Variants in ZCCHC10 observed in about 807,000 individuals in gnomAD.
ZCCHC10 encodes zinc finger CCHC domain-containing protein 10.
ZCCHC10 carries 16 observed loss-of-function variants against 19.5 expected under a neutral mutation model. The observed-to-expected ratio is 0.82, with a 90% CI of 0.56 to 1.25. The LOEUF is 1.25. Among genes scored for constraint, ZCCHC10 ranks in the 50% most tolerant of loss-of-function variants. The pLI is 0.00. For synonymous variants in ZCCHC10, 67 were observed against 72.5 expected (o/e 0.92, Z 0.38); for missense variants, 197 against 201.0 (o/e 0.98, Z 0.12).
intron 3 of ZCCHC10, among the ~76,000 whole-genome samples, chr5:133,002,781 A>G (rs1054104513): frequency 2.0e-5 from 3 of 151,918 alleles, no homozygotes; most frequent in South Asian, 2.1e-4. Context: ...GTGCTGTTGC[A>G]TGATCTTGGC....
chr5:133,011,042 T>C (rs1763470617), intron 2 of ZCCHC10, among the ~76,000 whole-genome samples: 1 of 152,120 alleles, frequency 6.6e-6, no homozygotes, highest in African/African-American at 2.4e-5. Flanking sequence ...TCCACCCACC[T>C]TGGCCTCCCA....
chr5:133,009,160 G>A (rs1763331031), intron 2 of ZCCHC10, among the ~76,000 whole-genome samples: 1 of 151,952 alleles, frequency 6.6e-6, no homozygotes, highest in Admixed American at 6.6e-5. Context: ...GCACTATCAC[G>A]CCCGGCTAAT....
At chr5:133,021,920 A>G (rs1033365579) in intron 2 of ZCCHC10, among the ~76,000 whole-genome samples, 5 of 151,648 alleles carry the variant, frequency 3.3e-5, no homozygotes, top group African/African-American at 1.2e-4. Flanking sequence ...CAGCCTCCCA[A>G]GTAGCTGGAA....
Position 133,004,575 on chromosome 5 carries a change from G to A in ZCCHC10, c.269+2184C>T, listed in dbSNP as rs143717491. On this transcript the variant is annotated intron_variant, in intron 3 of 4. Coordinates refer to ENST00000509437, the MANE Select transcript of ZCCHC10 (RefSeq NM_001300816.3). The stretch of plus-strand genomic sequence containing the variant: ...CGATCTCGGCTCCCTTGCAAGCTCC[G>A]CCTTCCGGGTTCACGCCATTCTCCT... Among the ~76,000 whole-genome samples the A allele has an allele frequency of 8.9e-3, 1,350 of 152,176 alleles. 16 individuals carry two copies. The highest frequency in any genetic ancestry group is 0.031 in the African/African-American group (1,295 of 41,526).
At chr5:133,004,316 G>A (rs1301147193) in intron 3 of ZCCHC10, among the ~76,000 whole-genome samples, 1 of 151,252 alleles carries the variant, frequency 6.6e-6, no homozygotes, top group Non-Finnish European at 1.5e-5. Context: ...CTGGGATTAT[G>A]GGCATGCGCC....
chr5:133,004,074 C>T (rs536520613), intron 3 of ZCCHC10, among the ~76,000 whole-genome samples: 2 of 152,136 alleles, frequency 1.3e-5, no homozygotes, highest in Admixed American at 1.3e-4. Flanking sequence ...AATATTTCTT[C>T]ATGGTAGAAT....
chr5:133,025,269 C>T (rs1177462110), intron 1 of ZCCHC10, among the ~76,000 whole-genome samples: 1 of 151,934 alleles, frequency 6.6e-6, no homozygotes, highest in Non-Finnish European at 1.5e-5. Flanking sequence ...CTTTGGGAGG[C>T]CAAGGCGGGC....
At chr5:133,014,641 C>T (rs1368142587) in intron 2 of ZCCHC10, among the ~76,000 whole-genome samples, 2 of 152,232 alleles carry the variant, frequency 1.3e-5, no homozygotes, top group African/African-American at 4.8e-5. Flanking sequence ...AGATTGCAAG[C>T]CAGGTATCTT....
chr5:133,020,457 T>TA (rs1426560150), intron 2 of ZCCHC10, among the ~76,000 whole-genome samples: 1 of 151,110 alleles, frequency 6.6e-6, no homozygotes, highest in Non-Finnish European at 1.5e-5. Context: ...AAAATATAAA[T>TA]AAAAAAATAA....
rs1478901857 is a variant in ZCCHC10 at position 132,997,110 on chromosome 5, A to C, written c.*1473T>G. The C allele has an allele frequency of 6.6e-6, 1 of 152,190 alleles. No individual in the cohort carries two copies. Among genetic ancestry groups the C allele is most frequent in the Non-Finnish European group, 1.5e-5 (1 of 68,028 alleles). The allele number at this position is 152,190 out of a possible 1,614,324, so 9.4% of individuals were successfully genotyped here. ...TACCTTTACAGAGACAAACATTATA[A>C]AATGTGCCTGATTGGTAATTTATTA... On this transcript the variant is annotated 3_prime_UTR_variant, in exon 5 of 5. Coordinates refer to ENST00000509437, the MANE Select transcript of ZCCHC10 (RefSeq NM_001300816.3).
At chr5:133,012,155 AGAAAG>A (rs1763593177) in intron 2 of ZCCHC10, among the ~76,000 whole-genome samples, 2 of 65,840 alleles carry the variant, frequency 3.0e-5, no homozygotes, top group Admixed American at 1.8e-4. Context: ...AAAAAAAAAA[AGAAAG>A]AAAGAAAGAA....
intron 3 of ZCCHC10, among the ~76,000 whole-genome samples, chr5:133,004,722 C>A (rs767946194): frequency 8.1e-4 from 115 of 142,626 alleles, no homozygotes; most frequent in Admixed American, 1.4e-3. Flanking sequence ...CATCTCCTGA[C>A]CTCGTGATCT....
chr5:133,000,081 G>A (rs373501035), intron 4 of ZCCHC10, 51 bp downstream of exon 4: 19 of 1,576,942 alleles, frequency 1.2e-5, no homozygotes, highest in African/African-American at 8.1e-5. Flanking sequence ...TTCCCATCCC[G>A]CCAATTAGTA....
intron 3 of ZCCHC10, among the ~76,000 whole-genome samples, chr5:133,005,185 G>C (rs758920514): frequency 6.6e-6 from 1 of 152,008 alleles, no homozygotes; most frequent in South Asian, 2.1e-4. Flanking sequence ...TATACTCCCA[G>C]CTACTCCGGA....
intron 2 of ZCCHC10, among the ~76,000 whole-genome samples, chr5:133,013,550 C>T (rs192493004): frequency 3.3e-5 from 5 of 151,494 alleles, no homozygotes; most frequent in South Asian, 4.2e-4. Flanking sequence ...AGTGAAACCT[C>T]GTCTCTACTA....
intron 3 of ZCCHC10, among the ~76,000 whole-genome samples, chr5:133,002,717 C>T (rs1405302207): frequency 1.4e-5 from 2 of 143,406 alleles, no homozygotes; most frequent in African/African-American, 5.6e-5. Flanking sequence ...TTTTTAACAG[C>T]TGATACTTTT....
chr5:133,014,152 CTCTTT>C (rs1448398248), intron 2 of ZCCHC10, among the ~76,000 whole-genome samples: 24 of 134,608 alleles, frequency 1.8e-4, no homozygotes, highest in African/African-American at 6.9e-4. Flanking sequence ...CTACTATTTA[CTCTTT>C]TTTTTTTTTT....
At chr5:133,011,838 A>C (rs1229401052) in intron 2 of ZCCHC10, among the ~76,000 whole-genome samples, 2 of 151,986 alleles carry the variant, frequency 1.3e-5, no homozygotes, top group Non-Finnish European at 2.9e-5. Context: ...TCATTCTAAA[A>C]TATGTACACA....
At chr5:133,026,382 G>C (rs1448358127) in intron 1 of ZCCHC10, 115 bp downstream of exon 1, 1 of 1,428,536 alleles carries the variant, frequency 7.0e-7, no homozygotes, top group Non-Finnish European at 9.7e-7. Context: ...AGCCAGAAGA[G>C]TGTTTGAGAA....
Sources: gnomAD v4.1 joint callset for allele counts (sites outside exome capture counted in the v4.1 genomes callset) on GRCh38, gnomAD v4.1.1 for gene constraint, MANE v1.5 for transcripts, NCBI Gene and HGNC (gene_info 2026-07-23, HGNC 2026-07-21) for gene names.